The following TPTE2 variants were observed in gnomAD, a reference collection of about 807,000 sequenced individuals.
The protein encoded by TPTE2 is phosphatidylinositol 3,4,5-trisphosphate 3-phosphatase TPTE2.
A neutral mutation model predicts 78.6 loss-of-function variants in TPTE2; 53 were observed. That is an observed-to-expected ratio of 0.67 (90% CI 0.54 to 0.85). TPTE2 has a LOEUF of 0.85. Among genes scored for constraint, TPTE2 ranks in the 40% least tolerant of loss-of-function variants. The pLI is 0.00. For synonymous variants in TPTE2, 175 were observed against 206.2 expected (o/e 0.85, Z 1.30); for missense variants, 461 against 623.0 (o/e 0.74, Z 2.77).
the TPTE2 span, among the ~76,000 whole-genome samples, chr13:19,550,787 T>TTTTA: frequency 6.6e-6 from 1 of 152,014 alleles, no homozygotes; most frequent in African/African-American, 2.4e-5. Context: ...TTTCTTCCTT[T>TTTTA]TTTATTTATT....
intron 1 of TPTE2, among the ~76,000 whole-genome samples, chr13:19,511,593 A>C (rs1334818979): frequency 6.6e-6 from 1 of 152,154 alleles, no homozygotes; most frequent in East Asian, 1.9e-4. Context: ...TCTTTGGGTA[A>C]ACGGCTGATT....
rs1880884866 is a variant in TPTE2 at position 19,489,728 on chromosome 13, A to G, written c.119+3122T>C. 3.5e-5 allele frequency among the ~76,000 whole-genome samples: 5 copies of G among 142,782 alleles called. No individual in the cohort carries two copies. In the South Asian group the frequency reaches 1.2e-3, roughly 33 times the overall value. 93.7% of individuals were successfully genotyped at this position (142,782 alleles called of 152,430 possible). On this transcript the variant is annotated intron_variant, in intron 3 of 19. Transcript: ENST00000400230. The stretch of plus-strand genomic sequence containing the variant: ...ATAGCTAAAAGATATATCTGTATAT[A>G]TATATACACACACACATATATACAT...
chr13:19,557,258 T>C, the TPTE2 span, among the ~76,000 whole-genome samples: 2 of 152,186 alleles, frequency 1.3e-5, no homozygotes, highest in Admixed American at 6.5e-5. Context: ...GAATGCAACA[T>C]TTCATGGGGG....
rs562755853 is a variant in TPTE2 at position 19,494,608 on chromosome 13, G to A, written c.12-1107C>T. Among the ~76,000 whole-genome samples, 5 of 152,124 alleles carry A rather than the reference G, an allele frequency of 3.3e-5. No homozygotes were observed. The South Asian group carries it at 6.2e-4, about 19-fold the overall frequency. ...AGTTTTAGTAGAGACAGGGTTTCAC[G>A]ATGTTTGCCAGCCTGGTCTTGAACA... On this transcript the variant is annotated intron_variant, in intron 1 of 19. Coordinates refer to ENST00000400230, the Ensembl canonical transcript of TPTE2.
chr13:19,437,095 T>C (rs1288750552), intron 14 of TPTE2, among the ~76,000 whole-genome samples: 1 of 152,026 alleles, frequency 6.6e-6, no homozygotes, highest in Non-Finnish European at 1.5e-5. Context: ...TTTGATATTT[T>C]CTATTCTGCT....
At chr13:19,556,400 A>G in the TPTE2 span, among the ~76,000 whole-genome samples, 1 of 152,220 alleles carries the variant, frequency 6.6e-6, no homozygotes, top group African/African-American at 2.4e-5. Context: ...TAGGTGCTAC[A>G]TGAATGAGAT....
exon 12 of TPTE2, chr13:19,450,265 T>C (rs146873849): frequency 5.0e-6 from 8 of 1,611,252 alleles, no homozygotes. Context: ...AAACTTACTG[T>C]AGAGTGGGGA....
intron 18 of TPTE2, chr13:19,425,559 A>C (rs1481572445): frequency 5.1e-5 from 17 of 330,682 alleles, no homozygotes; most frequent in Middle Eastern, 1.1e-3. Context: ...GATATAACCT[A>C]CTTGACTCAT....
intron 1 of TPTE2, among the ~76,000 whole-genome samples, chr13:19,511,222 C>G (rs1869417868): frequency 6.6e-6 from 1 of 152,144 alleles, no homozygotes; most frequent in South Asian, 2.1e-4. Flanking sequence ...GTGTTCCTCA[C>G]TAGGGGATGC....
At chr13:19,437,970 C>T in intron 14 of TPTE2, 122 bp downstream of exon 17, 1 of 1,392,860 alleles carries the variant, frequency 7.2e-7, no homozygotes, top group Non-Finnish European at 9.6e-7. Context: ...AAAACTGCTT[C>T]TCTAATTACA....
chr13:19,469,277 G>C (rs1008841295), intron 6 of TPTE2, among the ~76,000 whole-genome samples: 5 of 152,278 alleles, frequency 3.3e-5, no homozygotes, highest in Non-Finnish European at 7.4e-5. Context: ...TTGTTGAAGA[G>C]ACGTCTTTTG....
chr13:19,451,265 A>G (rs1878165421), intron 10 of TPTE2, 40 bp from the exon 14 acceptor site: 9 of 1,612,052 alleles, frequency 5.6e-6, no homozygotes, highest in Non-Finnish European at 7.6e-6. Flanking sequence ...TTTACATGGC[A>G]CCAACACAAG....
chr13:19,479,833 C>T (rs372311321), intron 4 of TPTE2, among the ~76,000 whole-genome samples: 5 of 151,662 alleles, frequency 3.3e-5, no homozygotes, highest in East Asian at 1.9e-4. Context: ...CGTGGTGGTG[C>T]GTGACTGTAG....
intron 4 of TPTE2, among the ~76,000 whole-genome samples, chr13:19,476,798 C>A (rs1311759351): frequency 6.6e-6 from 1 of 152,092 alleles, no homozygotes; most frequent in Non-Finnish European, 1.5e-5. Context: ...CTGTAAAAAG[C>A]AGTATAGCAA....
the TPTE2 span, among the ~76,000 whole-genome samples, chr13:19,543,052 TC>T: frequency 6.6e-6 from 1 of 151,634 alleles, no homozygotes; most frequent in Non-Finnish European, 1.5e-5. Flanking sequence ...AGTCTTTATT[TC>T]TTTTTCTTTT....
chr13:19,549,358 A>C, the TPTE2 span, among the ~76,000 whole-genome samples: 98,449 of 151,460 alleles, frequency 0.65, 34,503 homozygotes, highest in East Asian at 0.88. Context: ...TGAACAGACG[A>C]TTCTCAAAAA....
chr13:19,492,406 C>T (rs986634722), intron 3 of TPTE2, among the ~76,000 whole-genome samples: 4 of 152,140 alleles, frequency 2.6e-5, no homozygotes, highest in African/African-American at 9.7e-5. Flanking sequence ...ATCCATGTTG[C>T]AAATAGGATT....
intron 19 of TPTE2, 125 bp downstream of exon 22, chr13:19,424,822 T>C: frequency 1.6e-6 from 1 of 641,994 alleles, no homozygotes; most frequent in East Asian, 3.1e-5. Flanking sequence ...GGAAAAATGG[T>C]GGCTCAGGGA....
chr13:19,450,345 C>A lies in TPTE2; in HGVS notation c.803-1G>T. ...TGCTTAGGATCATAAGCTCTTTCAC[C>A]TAAAATAAATAATATGTATGTCATA... On this transcript the variant is annotated splice_acceptor_variant, in intron 11 of 19. Transcript: ENST00000400230. LOFTEE classifies it high-confidence loss of function. 1.9e-6 allele frequency: 3 copies of A among 1,608,862 alleles called. No homozygotes were observed. Among genetic ancestry groups the A allele is most frequent in the Non-Finnish European group, 1.7e-6 (2 of 1,177,888 alleles).
Sources: allele counts gnomAD v4.1 joint callset (sites outside exome capture counted in the v4.1 genomes callset), GRCh38; gene constraint gnomAD v4.1.1; transcripts MANE v1.5; gene names NCBI Gene and HGNC (gene_info 2026-07-23, HGNC 2026-07-21).